PLCB1: variants seen among roughly 807,000 people sequenced by gnomAD.
PLCB1 encodes phospholipase C beta 1.
In PLCB1, 46 loss-of-function variants were observed where a neutral mutation model predicts 161.8. The ratio of observed to expected loss-of-function variants is 0.28; its 90% confidence interval spans 0.22 to 0.36. PLCB1 has a LOEUF of 0.36. Ranked by LOEUF, PLCB1 falls within the 10% of genes least tolerant of loss-of-function variation. The pLI is 1.00. For synonymous variants in PLCB1, 517 were observed against 503.7 expected (o/e 1.03, Z -0.35); for missense variants, 1,016 against 1,472.5 (o/e 0.69, Z 5.07).
chr20:8,695,789 G>T (rs940022481), intron 10 of PLCB1, among the ~76,000 whole-genome samples: 13 of 152,182 alleles, frequency 8.5e-5, no homozygotes, highest in Admixed American at 3.3e-4. Context: ...ACTTCAATTT[G>T]TGTGTTGCTA....
intron 3 of PLCB1, among the ~76,000 whole-genome samples, chr20:8,544,893 A>G (rs1450537505): frequency 6.6e-6 from 1 of 152,226 alleles, no homozygotes; most frequent in Non-Finnish European, 1.5e-5. Context: ...GGTATCTGTA[A>G]CAAAATTGAA....
chr20:8,865,362 A>G (rs993521661), intron 31 of PLCB1, among the ~76,000 whole-genome samples: 1 of 152,242 alleles, frequency 6.6e-6, no homozygotes, highest in African/African-American at 2.4e-5. Context: ...GGCCATCCTT[A>G]TGGCATAAAC....
intron 3 of PLCB1, among the ~76,000 whole-genome samples, chr20:8,443,133 C>T (rs1421797981): frequency 6.6e-6 from 1 of 152,020 alleles, no homozygotes; most frequent in Non-Finnish European, 1.5e-5. Flanking sequence ...GTGTGCGTCA[C>T]CACACCCAGC....
chr20:8,778,865 C>T (rs1012711117), intron 27 of PLCB1, among the ~76,000 whole-genome samples: 14 of 152,260 alleles, frequency 9.2e-5, no homozygotes, highest in African/African-American at 3.1e-4. Context: ...CCTTTAGCTG[C>T]GACGTGTGTG....
At chr20:8,556,659 GTGTGTGT>G (rs1985964293) in intron 3 of PLCB1, among the ~76,000 whole-genome samples, 18 of 8,000 alleles carry the variant, frequency 2.2e-3, no homozygotes, top group East Asian at 0.042. Context: ...AGGGTTGGGT[GTGTGTGT>G]GTGTGTGTGT....
chr20:8,306,519 A>G (rs1231844972), intron 2 of PLCB1: 1 of 152,224 alleles, frequency 6.6e-6, no homozygotes, highest in Non-Finnish European at 1.5e-5. Flanking sequence ...TAATGTCTGC[A>G]ATCCTTGTTA....
At chr20:8,787,563 A>G (rs766148981) in intron 27 of PLCB1, among the ~76,000 whole-genome samples, 1 of 152,226 alleles carries the variant, frequency 6.6e-6, no homozygotes, top group Non-Finnish European at 1.5e-5. Context: ...GTGCTCCAGT[A>G]AGAAGGGTTG....
chr20:8,697,596 T>A, intron 10 of PLCB1, 30 bp from the exon 11 acceptor site: 2 of 1,612,666 alleles, frequency 1.2e-6, no homozygotes, highest in Non-Finnish European at 1.7e-6. Flanking sequence ...TTCATGGGAA[T>A]CTGGGGTTTG....
intron 3 of PLCB1, among the ~76,000 whole-genome samples, chr20:8,586,613 G>A (rs76645016): frequency 0.034 from 5,120 of 152,168 alleles, 104 homozygotes; most frequent in Non-Finnish European, 0.042. Flanking sequence ...GTGACAAGTA[G>A]CAACCCGCTA....
chr20:8,828,381 T>C (rs1985815408), intron 31 of PLCB1, among the ~76,000 whole-genome samples: 1 of 152,234 alleles, frequency 6.6e-6, no homozygotes, highest in Non-Finnish European at 1.5e-5. Context: ...GTTAGTCTCT[T>C]GACAGCAATG....
At chr20:8,797,660 T>C (rs2146233857) in intron 31 of PLCB1, among the ~76,000 whole-genome samples, 1 of 152,334 alleles carries the variant, frequency 6.6e-6, no homozygotes, top group Non-Finnish European at 1.5e-5. Context: ...ATATAATCTG[T>C]ATGTCTTAGC....
At chr20:8,751,394 C>T (rs1358772724) in intron 23 of PLCB1, 8 of 152,216 alleles carry the variant, frequency 5.3e-5, no homozygotes, top group African/African-American at 1.9e-4. Context: ...GCTGCTCAAC[C>T]ATCAGATCCA....
chr20:8,809,406 C>G (rs1569627), intron 31 of PLCB1, among the ~76,000 whole-genome samples: 2,020 of 152,192 alleles, frequency 0.013, 17 homozygotes, highest in Middle Eastern at 0.02. Flanking sequence ...TACGCACCAT[C>G]GGTAGTGGTG....
At chr20:8,829,380 C>G (rs1000050171) in intron 31 of PLCB1, among the ~76,000 whole-genome samples, 2 of 152,154 alleles carry the variant, frequency 1.3e-5, no homozygotes, top group African/African-American at 4.8e-5. Flanking sequence ...ACAGTTCTGC[C>G]CATTGACCAG....
At chr20:8,840,789 C>A (rs1412989106) in intron 31 of PLCB1, among the ~76,000 whole-genome samples, 1 of 152,056 alleles carries the variant, frequency 6.6e-6, no homozygotes, top group Non-Finnish European at 1.5e-5. Flanking sequence ...TCACTTCCCC[C>A]CTTTTTAAAT....
At chr20:8,270,078 A>G (rs909962783) in intron 2 of PLCB1, among the ~76,000 whole-genome samples, 1 of 152,126 alleles carries the variant, frequency 6.6e-6, no homozygotes, top group African/African-American at 2.4e-5. Context: ...ACTTTTTAGT[A>G]TTTGTGGCCA....
intron 2 of PLCB1, among the ~76,000 whole-genome samples, chr20:8,294,767 C>T (rs572982385): frequency 2.6e-4 from 40 of 151,746 alleles, no homozygotes; most frequent in African/African-American, 9.2e-4. Context: ...TCCCTATAAT[C>T]CAGAAAATCC....
intron 2 of PLCB1, among the ~76,000 whole-genome samples, chr20:8,342,358 A>T (rs893296555): frequency 1.3e-5 from 2 of 152,238 alleles, no homozygotes; most frequent in Admixed American, 6.5e-5. Flanking sequence ...ATGAACTGAA[A>T]CTAGATCCTA....
At chr20:8,830,452 C>A (rs1485805714) in intron 31 of PLCB1, among the ~76,000 whole-genome samples, 1 of 152,182 alleles carries the variant, frequency 6.6e-6, no homozygotes, top group Non-Finnish European at 1.5e-5. Flanking sequence ...AACCAGGAAA[C>A]CTGTTAGGAG....
Sources: gnomAD v4.1 joint callset for allele counts (sites outside exome capture counted in the v4.1 genomes callset) on GRCh38, gnomAD v4.1.1 for gene constraint, MANE v1.5 for transcripts, NCBI Gene and HGNC (gene_info 2026-07-23, HGNC 2026-07-21) for gene names.